Variants in FMN1 observed in about 807,000 individuals in gnomAD.
The protein encoded by FMN1 is formin-1.
A neutral mutation model predicts 132.4 loss-of-function variants in FMN1; 110 were observed. The observed-to-expected ratio is 0.83, with a 90% confidence interval of 0.71 to 0.97. FMN1 has a LOEUF of 0.97. Ranked by LOEUF, FMN1 falls within the 50% of genes least tolerant of loss-of-function variation. The pLI, the probability that FMN1 is intolerant of heterozygous loss-of-function variation, is 0.00. For missense variants in FMN1, 1,792 were observed against 1,705.3 expected, an observed-to-expected ratio of 1.05 and a Z score of -0.90; for synonymous variants, 722 against 651.7, an observed-to-expected ratio of 1.11 and a Z score of -1.64.
chr15:33,167,194 A>T (rs764175625), intron 3 of FMN1, among the ~76,000 whole-genome samples: 1 of 152,166 alleles, frequency 6.6e-6, no homozygotes, highest in Non-Finnish European at 1.5e-5. Flanking sequence ...TGGGCAGGCC[A>T]GGTGGGGATA....
At chr15:33,174,277 G>GT (rs371038099) in intron 3 of FMN1, among the ~76,000 whole-genome samples, 48 of 152,192 alleles carry the variant, frequency 3.2e-4, no homozygotes, top group African/African-American at 1.0e-3. Context: ...TCAAGTGCAT[G>GT]TTGATGACTA....
intron 7 of FMN1, among the ~76,000 whole-genome samples, chr15:32,988,104 GGAGT>G (rs1346389791): frequency 6.7e-6 from 1 of 148,162 alleles, no homozygotes; most frequent in Non-Finnish European, 1.5e-5. Flanking sequence ...TAATAAGCAG[GGAGT>G]GAGTGATGCT....
At chr15:33,072,569 A>C (rs576951254) in intron 5 of FMN1, among the ~76,000 whole-genome samples, 2 of 152,298 alleles carry the variant, frequency 1.3e-5, no homozygotes, top group South Asian at 4.1e-4. Flanking sequence ...CTCCCATCTC[A>C]CTGTCCTCTC....
chr15:33,053,884 CTTTG>C (rs138690156), intron 6 of FMN1, among the ~76,000 whole-genome samples: 8,906 of 152,156 alleles, frequency 0.059, 279 homozygotes, highest in South Asian at 0.11. Flanking sequence ...TCTTTCCTTT[CTTTG>C]TTTTCTTTTT....
intron 4 of FMN1, among the ~76,000 whole-genome samples, chr15:33,119,894 T>A (rs571281335): frequency 1.3e-5 from 2 of 152,216 alleles, no homozygotes; most frequent in Non-Finnish European, 2.9e-5. Flanking sequence ...TGTATAATTA[T>A]CTTAATGAGA....
intron 9 of FMN1, among the ~76,000 whole-genome samples, chr15:32,933,883 A>C (rs980562465): frequency 2.6e-5 from 4 of 152,172 alleles, no homozygotes; most frequent in African/African-American, 7.2e-5. Flanking sequence ...CTTGAGTCTA[A>C]AATGACTATT....
At chr15:32,906,174 G>C (rs192394634) in intron 12 of FMN1, among the ~76,000 whole-genome samples, 89 of 152,210 alleles carry the variant, frequency 5.8e-4, no homozygotes, top group Admixed American at 1.8e-3. Flanking sequence ...CATTTCACCG[G>C]ATCAGCCATT....
chr15:32,978,681 T>C (rs926329624), intron 7 of FMN1, among the ~76,000 whole-genome samples: 2 of 152,238 alleles, frequency 1.3e-5, no homozygotes, highest in Non-Finnish European at 2.9e-5. Context: ...AGGTCCTTAA[T>C]ACACTGTGAC....
At chr15:33,113,760 A>G (rs2039803826) in intron 4 of FMN1, among the ~76,000 whole-genome samples, 2 of 152,164 alleles carry the variant, frequency 1.3e-5, no homozygotes, top group African/African-American at 4.8e-5. Context: ...GCCAGCTTCC[A>G]TGGCCACGTC....
chr15:32,997,014 A>C (rs1324469223), intron 7 of FMN1, among the ~76,000 whole-genome samples: 1 of 152,240 alleles, frequency 6.6e-6, no homozygotes, highest in Non-Finnish European at 1.5e-5. Flanking sequence ...AGCTGCATAG[A>C]AGTCTAGCCA....
chr15:32,860,069 G>GAAAGGC (rs538150484), intron 16 of FMN1, among the ~76,000 whole-genome samples: 9 of 147,214 alleles, frequency 6.1e-5, no homozygotes, highest in Non-Finnish European at 1.2e-4. Flanking sequence ...AAGGAGGAAA[G>GAAAGGC]AAAGGCAAAG....
intron 16 of FMN1, among the ~76,000 whole-genome samples, chr15:32,873,363 G>A (rs922421858): frequency 1.3e-5 from 2 of 152,148 alleles, no homozygotes; most frequent in South Asian, 2.1e-4. Flanking sequence ...CAATAGTCTC[G>A]CTTGCTGGAC....
At chr15:33,147,496 C>T (rs963400041) in intron 4 of FMN1, among the ~76,000 whole-genome samples, 3 of 152,184 alleles carry the variant, frequency 2.0e-5, no homozygotes, top group African/African-American at 7.2e-5. Context: ...CCAAAGGCCA[C>T]AGACTGCCAC....
chr15:33,177,980 C>T (rs1965571303), intron 3 of FMN1, among the ~76,000 whole-genome samples: 1 of 151,938 alleles, frequency 6.6e-6, no homozygotes, highest in Non-Finnish European at 1.5e-5. Context: ...TGGACTCCAG[C>T]GTGGGCAACG....
At chr15:32,833,842 G>T (rs1298659981) in intron 17 of FMN1, among the ~76,000 whole-genome samples, 1 of 152,086 alleles carries the variant, frequency 6.6e-6, no homozygotes, top group Non-Finnish European at 1.5e-5. Flanking sequence ...GGAATCAATA[G>T]GGCAAAGGAA....
chr15:33,067,386 T>C (rs919776812), intron 5 of FMN1: 2 of 1,613,892 alleles, frequency 1.2e-6, no homozygotes, highest in African/African-American at 2.7e-5. Context: ...CTAGGGGACT[T>C]TGGGCCATTG....
chr15:32,812,111 T>G (rs543574691), intron 17 of FMN1, among the ~76,000 whole-genome samples: 1 of 152,320 alleles, frequency 6.6e-6, no homozygotes, highest in South Asian at 2.1e-4. Context: ...GGGTCCTTCA[T>G]CTGAACTGCA....
chr15:33,151,361 T>A lies in FMN1; in HGVS notation c.1867+1687A>T, dbSNP rs534973392. ...TATGACTGGTTCCTGAAAGTGCTGC[T>A]GAAGATCCCAATGGAAGGCTGAGGC... On this transcript the variant is annotated intron_variant, in intron 4 of 20. Coordinates refer to ENST00000616417, the MANE Select transcript of FMN1 (RefSeq NM_001277313.2). The A allele has an allele frequency of 2.0e-6, 3 of 1,536,732 alleles. No individual in the cohort carries two copies. In the African/African-American group the frequency reaches 4.1e-5, roughly 21 times the overall value.
intron 17 of FMN1, among the ~76,000 whole-genome samples, chr15:32,833,190 A>G (rs2141170576): frequency 6.6e-6 from 1 of 152,318 alleles, no homozygotes; most frequent in African/African-American, 2.4e-5. Context: ...ACTGACAGCT[A>G]CCACTTCTAG....
Sources: gnomAD v4.1 joint callset for allele counts (sites outside exome capture counted in the v4.1 genomes callset) on GRCh38, gnomAD v4.1.1 for gene constraint, MANE v1.5 for transcripts, NCBI Gene and HGNC (gene_info 2026-07-23, HGNC 2026-07-21) for gene names.